The following TTC28 variants were observed in gnomAD, a reference collection of about 807,000 sequenced individuals.
TTC28 encodes tetratricopeptide repeat domain 28.
In TTC28, 61 loss-of-function variants were observed where a neutral mutation model predicts 198.0. That is an observed-to-expected ratio of 0.31 (90% confidence interval 0.25 to 0.38). TTC28 has a LOEUF of 0.38. TTC28 is among the 10% of genes least tolerant of loss of function. TTC28 has a pLI of 1.00. For missense variants in TTC28, 2,678 were observed against 3,164.0 expected (o/e 0.85, Z 3.69); for synonymous variants, 1,171 against 1,297.8 (o/e 0.90, Z 2.10).
chr22:28,074,312 T>G (rs1569121978), intron 12 of TTC28, among the ~76,000 whole-genome samples: 1 of 152,192 alleles, frequency 6.6e-6, no homozygotes, highest in South Asian at 2.1e-4. Flanking sequence ...TTTGATAAGT[T>G]CAAATAATTT....
chr22:28,184,683 A>T (rs1924029354), intron 5 of TTC28, among the ~76,000 whole-genome samples: 1 of 152,142 alleles, frequency 6.6e-6, no homozygotes, highest in Non-Finnish European at 1.5e-5. Flanking sequence ...ATACTGATAG[A>T]TACGATTTCT....
intron 5 of TTC28, among the ~76,000 whole-genome samples, chr22:28,181,859 C>A (rs903693974): frequency 1.2e-4 from 19 of 152,124 alleles, no homozygotes; most frequent in African/African-American, 4.6e-4. Context: ...CCCAGTGAGA[C>A]CCTGTTTCTC....
intron 2 of TTC28, among the ~76,000 whole-genome samples, chr22:28,364,847 G>C (rs2046220433): frequency 6.6e-6 from 1 of 152,192 alleles, no homozygotes; most frequent in Non-Finnish European, 1.5e-5. Flanking sequence ...TCTTGAGATA[G>C]AAACTACTCC....
intron 2 of TTC28, among the ~76,000 whole-genome samples, chr22:28,614,162 A>G (rs2050864155): frequency 6.6e-6 from 1 of 152,206 alleles, no homozygotes; most frequent in Non-Finnish European, 1.5e-5. Context: ...AGACAAACAG[A>G]GAGCCAAATC....
At chr22:28,463,987 T>C (rs1399939641) in intron 2 of TTC28, among the ~76,000 whole-genome samples, 1 of 151,948 alleles carries the variant, frequency 6.6e-6, no homozygotes, top group Non-Finnish European at 1.5e-5. Flanking sequence ...TAAAGGGTCC[T>C]CCAAAAAATT....
intron 5 of TTC28, among the ~76,000 whole-genome samples, chr22:28,193,962 A>G: frequency 6.6e-6 from 1 of 152,130 alleles, no homozygotes; most frequent in East Asian, 1.9e-4. Context: ...AGAACTCTCC[A>G]CCCCAAATCA....
chr22:28,622,478 A>G (rs1182100906), intron 2 of TTC28, among the ~76,000 whole-genome samples: 2 of 152,204 alleles, frequency 1.3e-5, no homozygotes, highest in Non-Finnish European at 2.9e-5. Context: ...ACTTTCTCAA[A>G]AGAAAAAAAA....
intron 2 of TTC28, among the ~76,000 whole-genome samples, chr22:28,321,987 A>T (rs1480481887): frequency 6.6e-6 from 1 of 152,060 alleles, no homozygotes; most frequent in African/African-American, 2.4e-5. Context: ...GCCCACCACC[A>T]TGCCCGGCTA....
At chr22:28,139,011 G>C (rs1480793587) in intron 6 of TTC28, among the ~76,000 whole-genome samples, 1 of 151,420 alleles carries the variant, frequency 6.6e-6, no homozygotes, top group Non-Finnish European at 1.5e-5. Flanking sequence ...TATTAGGATT[G>C]TATCTTGATT....
chr22:28,038,034 G>A (rs931301924), intron 12 of TTC28, among the ~76,000 whole-genome samples: 1 of 152,174 alleles, frequency 6.6e-6, no homozygotes, highest in Non-Finnish European at 1.5e-5. Context: ...CAAACAAATG[G>A]AAGAACATTC....
At chr22:28,637,336 G>A (rs1320394850) in intron 1 of TTC28, among the ~76,000 whole-genome samples, 1 of 152,106 alleles carries the variant, frequency 6.6e-6, no homozygotes, top group African/African-American at 2.4e-5. Flanking sequence ...AATCTATTTT[G>A]AGTTTATTTT....
intron 2 of TTC28, among the ~76,000 whole-genome samples, chr22:28,331,292 C>T (rs376575119): frequency 2.0e-5 from 3 of 152,226 alleles, no homozygotes; most frequent in African/African-American, 7.2e-5. Flanking sequence ...GGACTCCACT[C>T]CTAGAATATG....
chr22:28,330,276 A>G (rs1285056770), intron 2 of TTC28, among the ~76,000 whole-genome samples: 1 of 152,228 alleles, frequency 6.6e-6, no homozygotes, highest in African/African-American at 2.4e-5. Flanking sequence ...AATCATTTGA[A>G]AACAAGCACA....
At chr22:28,473,198 T>C (rs8138787) in intron 2 of TTC28, among the ~76,000 whole-genome samples, 1 of 152,166 alleles carries the variant, frequency 6.6e-6, no homozygotes, top group South Asian at 2.1e-4. Flanking sequence ...ACTAACTTAG[T>C]AACTGTCAAA....
intron 2 of TTC28, among the ~76,000 whole-genome samples, chr22:28,494,263 A>G (rs2048421308): frequency 6.6e-6 from 1 of 152,190 alleles, no homozygotes; most frequent in South Asian, 2.1e-4. Context: ...TTAGACAAAA[A>G]TCAAGGATCA....
chr22:28,435,246 C>G (rs2047501919), intron 2 of TTC28, among the ~76,000 whole-genome samples: 1 of 152,112 alleles, frequency 6.6e-6, no homozygotes. Flanking sequence ...AACACCCTAA[C>G]AGAATACTCT....
chr22:27,986,973 T>C (rs937051926), intron 21 of TTC28, among the ~76,000 whole-genome samples: 1 of 152,194 alleles, frequency 6.6e-6, no homozygotes, highest in African/African-American at 2.4e-5. Context: ...ATGGGGTTGC[T>C]CAGAACTGAG....
intron 2 of TTC28, among the ~76,000 whole-genome samples, chr22:28,387,850 T>C (rs1389972977): frequency 6.6e-6 from 1 of 152,184 alleles, no homozygotes; most frequent in Non-Finnish European, 1.5e-5. Flanking sequence ...TTAGTTTAAT[T>C]AGATCCCATT....
intron 2 of TTC28, among the ~76,000 whole-genome samples, chr22:28,537,768 C>T (rs2049327671): frequency 1.3e-5 from 2 of 152,120 alleles, no homozygotes; most frequent in South Asian, 4.1e-4. Context: ...TGTTAAACTA[C>T]AATACATCTA....
Sources: gnomAD v4.1 joint callset for allele counts (sites outside exome capture counted in the v4.1 genomes callset) on GRCh38, gnomAD v4.1.1 for gene constraint, MANE v1.5 for transcripts, NCBI Gene and HGNC (gene_info 2026-07-23, HGNC 2026-07-21) for gene names.